SREBF1: variants seen among roughly 807,000 people sequenced by gnomAD.
SREBF1 encodes sterol regulatory element-binding protein 1.
Under a neutral mutation model 100.1 loss-of-function variants are expected in SREBF1, and 45 were observed. The observed-to-expected ratio is 0.45, with a 90% CI of 0.35 to 0.58. The LOEUF (loss-of-function observed/expected upper bound fraction) is 0.58, where lower values mean the gene tolerates loss of function less well. Ranked by LOEUF, SREBF1 falls within the 20% of genes least tolerant of loss-of-function variation. The pLI, the probability that SREBF1 is intolerant of heterozygous loss-of-function variation, is 0.00. For missense variants in SREBF1, 1,324 were observed against 1,539.4 expected (o/e 0.86, Z 2.34); for synonymous variants, 657 against 681.8 (o/e 0.96, Z 0.57).
rs772619133 is a variant in SREBF1, at chr17:17,820,344, G to A, written c.269C>T (p.Pro90Leu). 47 of 1,613,086 alleles carry A rather than the reference G, an allele frequency of 2.9e-5. No individual in the cohort carries two copies. Among genetic ancestry groups the A allele is most frequent in the Admixed American group, 6.7e-5 (4 of 59,974 alleles). Residue 90 changes from proline to leucine, a missense_variant, in exon 2 of 19, where the codon CCG becomes CTG. Physicochemically the swap from Pro to Leu is moderately conservative, Grantham distance 98. Coordinates refer to ENST00000261646, the MANE Select transcript of SREBF1 (RefSeq NM_004176.5). ...SSSLEAFLSG[P>L]QAAPSPLSPP... ...GGACAGGGGTGAGGGCGCTGCCTGCGGCCCGCTCAGGAAGGCTTCAAGAGA... is the reference window on the plus strand; with the variant it reads ...GGACAGGGGTGAGGGCGCTGCCTGCAGCCCGCTCAGGAAGGCTTCAAGAGA...
intron 13 of SREBF1, 96 bp from the exon 14 acceptor site, chr17:17,815,040 C>G (rs9895269): frequency 7.7e-7 from 1 of 1,303,994 alleles, no homozygotes; most frequent in South Asian, 1.3e-5. Flanking sequence ...GCCCCTGGCT[C>G]TGCAAAGTGC....
intron 1 of SREBF1, among the ~76,000 whole-genome samples, chr17:17,822,383 G>A (rs895677801): frequency 1.3e-5 from 2 of 152,250 alleles, no homozygotes; most frequent in African/African-American, 4.8e-5. Flanking sequence ...TTTGCCTGCA[G>A]CCAAGTAGCC....
At position 17,818,054 on chromosome 17, in the gene SREBF1, C is replaced by A. The variant is rs45570037; in HGVS notation, c.1184-138G>T. On this transcript the variant is annotated intron_variant, in intron 6 of 18. Coordinates refer to ENST00000261646, the MANE Select transcript of SREBF1 (RefSeq NM_004176.5). ...ACGCTTTGATGGGGCTGGGTTAGGG[C>A]CAAAGGGAGGCACCAGGTCTCTTTC... The A allele has an allele frequency of 5.7e-3, 5,544 of 979,494 alleles. 215 individuals carry two copies. The African/African-American group carries it at 0.077, about 14-fold the overall frequency. The allele number at this position is 979,494 out of a possible 1,614,324, so 60.7% of individuals were successfully genotyped here.
rs537948037 is a variant in SREBF1 at position 17,836,847 on chromosome 17, C to CG, written c.-31dup. On this transcript the variant is annotated 5_prime_UTR_variant, in exon 1 of 19. Transcript: ENST00000261646. ...CAGCCGCCTCCTCCGGGAGGCCCGC[C>CG]GGGCCCGCCGCCTCGTACGGCCCTT... 443 of 1,478,336 alleles carry CG rather than the reference C, an allele frequency of 3.0e-4. 2 individuals are homozygous for CG. In the East Asian group the frequency reaches 9.7e-3, roughly 32 times the overall value. 91.6% of individuals were successfully genotyped at this position (1,478,336 alleles called of 1,614,324 possible).
At chr17:17,822,773 C>T (rs903068601) in intron 1 of SREBF1, among the ~76,000 whole-genome samples, 3 of 152,244 alleles carry the variant, frequency 2.0e-5, no homozygotes, top group Non-Finnish European at 4.4e-5. Context: ...CCTTTTGGTA[C>T]GGCTGCCCGA....
chr17:17,829,234 A>G (rs1490287519), intron 1 of SREBF1, among the ~76,000 whole-genome samples: 5 of 128,706 alleles, frequency 3.9e-5, no homozygotes, highest in East Asian at 2.2e-4. Flanking sequence ...ATATATATAT[A>G]TGTATACACA....
chr17:17,814,568 GA>G, intron 15 of SREBF1, 46 bp downstream of exon 15: 1 of 1,536,532 alleles, frequency 6.5e-7, no homozygotes, highest in Non-Finnish European at 8.7e-7. Context: ...AGGGGATGAG[GA>G]AGGCTGAGCC....
chr17:17,814,775 C>A (rs774987132), intron 14 of SREBF1, 28 bp from the exon 15 acceptor site: 1 of 1,610,964 alleles, frequency 6.2e-7, no homozygotes. Flanking sequence ...TCCCCTGAAC[C>A]CTCAGTCACG....
chr17:17,812,784 G>C lies in SREBF1; in HGVS notation c.3282C>G (p.Ser1094=). The C allele has an allele frequency of 6.5e-7, 1 of 1,526,970 alleles. No individual in the cohort carries two copies. The highest frequency in any genetic ancestry group is 8.8e-7 in the Non-Finnish European group (1 of 1,137,872). The allele number at this position is 1,526,970 out of a possible 1,614,324, so 94.6% of individuals were successfully genotyped here. A position where few individuals can be genotyped will look rare whatever the true frequency, so the allele number is the denominator to read the frequency against. ...REHAEALLLA[S]CYLPPGFLSA... ...ACAGGAAGCCGGGGGGCAGGTAGCA[G>C]GAGGCCAGCAGCAAGGCCTCCGCGT... is the stretch of plus-strand genomic sequence containing the variant. Residue 1094 remains serine, a synonymous_variant, in exon 19 of 19, where the codon TCC becomes TCG. Transcript: ENST00000261646.
In SREBF1 at chr17:17,817,123, C is replaced by T. The variant is rs1399111421; in HGVS notation, c.1620G>A (p.Trp540Ter). ...CCACTGGGGGCAGCAGCCACTGGGC[C>T]CAGCCAGGGCCATCTATGGACAGAG... is the stretch of plus-strand genomic sequence containing the variant. ...LGTESRDGPG[W>*]AQWLLPPVVW... The change falls in exon 9 of 19, where the codon TGG becomes TGA. Residue 540 changes from tryptophan to a stop codon, truncating the protein, a stop_gained. Coordinates refer to ENST00000261646, the MANE Select transcript of SREBF1 (RefSeq NM_004176.5). LOFTEE classifies it high-confidence loss of function. The surrounding 1 kb of genome is among the most constrained non-coding windows in gnomAD (Gnocchi z 6.6). 5.6e-6 allele frequency: 9 copies of T among 1,613,052 alleles called. No individual in the cohort carries two copies. The highest frequency in any genetic ancestry group is 1.3e-5 in the African/African-American group (1 of 74,936).
At position 17,814,828 on chromosome 17, in the gene SREBF1, G is replaced by T; in HGVS notation, c.2602+7C>A. ...GAAGGGAGCCAGGACAGGGGCCGGG[G>T]ACTCACCGGTGGTGGTGGCCATGCT... On this transcript the variant is annotated splice_region_variant and intron_variant, in intron 14 of 18. Coordinates refer to ENST00000261646, the MANE Select transcript of SREBF1 (RefSeq NM_004176.5). 3.1e-6 allele frequency: 5 copies of T among 1,600,092 alleles called. No homozygotes were observed. Among genetic ancestry groups the T allele is most frequent in the Non-Finnish European group, 4.3e-6 (5 of 1,173,824 alleles).
At chr17:17,834,893 AGTC>A (rs2035136850) in intron 1 of SREBF1, among the ~76,000 whole-genome samples, 1 of 152,182 alleles carries the variant, frequency 6.6e-6, no homozygotes, top group Non-Finnish European at 1.5e-5. Context: ...TGGCGCCTGT[AGTC>A]CCAGCTACTT....
intron 1 of SREBF1, among the ~76,000 whole-genome samples, chr17:17,835,849 T>C (rs4925118): frequency 0.91 from 139,117 of 152,284 alleles, 63,856 homozygotes; most frequent in African/African-American, 0.98. Flanking sequence ...CAAGTCGGTT[T>C]GCGTCCTCCT....
chr17:17,820,550 T>G, intron 1 of SREBF1, 29 bp from the exon 2 acceptor site: 1 of 1,609,696 alleles, frequency 6.2e-7, no homozygotes, highest in South Asian at 1.1e-5. Flanking sequence ...GGTGCGTGAG[T>G]GAGGCAGAGA....
intron 13 of SREBF1, 72 bp downstream of exon 13, chr17:17,815,149 G>A: frequency 6.9e-7 from 1 of 1,455,574 alleles, no homozygotes; most frequent in Non-Finnish European, 9.6e-7. Context: ...CTCTCCACAG[G>A]GTTGAGGCCA....
At position 17,816,273 on chromosome 17, in the gene SREBF1, G is replaced by A. The variant is rs147235909; in HGVS notation, c.2148C>T (p.Ala716=). 1.7e-5 allele frequency: 25 copies of A among 1,443,380 alleles called. No individual in the cohort carries two copies. Among genetic ancestry groups the A allele is most frequent in the African/African-American group, 7.6e-5 (3 of 39,428 alleles). The allele number at this position is 1,443,380 out of a possible 1,614,324, so 89.4% of individuals were successfully genotyped here. A position where few individuals can be genotyped will look rare whatever the true frequency, so the allele number is the denominator to read the frequency against. ...TCAATGCAGCCGCCACATAGATCTCGGCCAGCGTCGCCACAGACACGGCAT... is the reference window on the plus strand; with the variant it reads ...TCAATGCAGCCGCCACATAGATCTCAGCCAGCGTCGCCACAGACACGGCAT... The part of the protein sequence containing the change: ...AGDAVSVATL[A]EIYVAAALRV... Residue 716 remains alanine (A), a synonymous_variant, in exon 11 of 19, where the codon GCC becomes GCT. Transcript: ENST00000261646.
chr17:17,818,234 T>C (rs763311132), intron 6 of SREBF1, 26 bp downstream of exon 6: 8 of 1,592,758 alleles, frequency 5.0e-6, no homozygotes, highest in Admixed American at 1.7e-5. Flanking sequence ...GAGGCCAGAC[T>C]GGAGCTCAAT....
intron 1 of SREBF1, chr17:17,823,578 T>A: frequency 6.2e-7 from 1 of 1,613,194 alleles, no homozygotes; most frequent in Non-Finnish European, 8.5e-7. Flanking sequence ...TCCAGGCCGT[T>A]GGCCCTACCC....
intron 1 of SREBF1, among the ~76,000 whole-genome samples, chr17:17,834,110 T>C (rs1042212185): frequency 9.2e-5 from 14 of 152,132 alleles, no homozygotes; most frequent in African/African-American, 1.4e-4. Flanking sequence ...AAAGTTTTTT[T>C]TGAAACAGAA....
Sources: allele counts gnomAD v4.1 joint callset (sites outside exome capture counted in the v4.1 genomes callset), GRCh38; gene constraint gnomAD v4.1.1; non-coding constraint Gnocchi (gnomAD v3.1); transcripts MANE v1.5; gene names NCBI Gene and HGNC (gene_info 2026-07-23, HGNC 2026-07-21).